Variants in MACROD2 observed in about 807,000 individuals in gnomAD.
The protein encoded by MACROD2 is ADP-ribose glycohydrolase MACROD2.
MACROD2 carries 36 observed loss-of-function variants against 70.4 expected under a neutral mutation model. That is an observed-to-expected ratio of 0.51 (90% CI 0.39 to 0.68). MACROD2 has a LOEUF of 0.68. Ranked by LOEUF, MACROD2 falls within the 30% of genes least tolerant of loss-of-function variation. The pLI is 0.00. For missense variants in MACROD2, 496 were observed against 538.4 expected (o/e 0.92, Z 0.78); for synonymous variants, 172 against 178.8 (o/e 0.96, Z 0.30).
At chr20:15,073,466 AACACACACACACACACACAC>A (rs11468103) in intron 5 of MACROD2, among the ~76,000 whole-genome samples, 16 of 143,950 alleles carry the variant, frequency 1.1e-4, no homozygotes, top group South Asian at 4.6e-4. Context: ...TAATTCTCCC[AACACACACACACACACACAC>A]ACACACACAC....
chr20:14,209,126 T>G (rs2081549616), intron 3 of MACROD2, among the ~76,000 whole-genome samples: 1 of 152,200 alleles, frequency 6.6e-6, no homozygotes, highest in Admixed American at 6.5e-5. Context: ...GAATGATCCC[T>G]TCTCATTATA....
intron 5 of MACROD2, among the ~76,000 whole-genome samples, chr20:15,204,911 G>A (rs576671838): frequency 6.6e-6 from 1 of 152,078 alleles, no homozygotes; most frequent in Non-Finnish European, 1.5e-5. Flanking sequence ...CAGCAATTGA[G>A]TTGCCAAACA....
At chr20:14,351,159 G>A (rs748718778) in intron 3 of MACROD2, among the ~76,000 whole-genome samples, 2 of 152,138 alleles carry the variant, frequency 1.3e-5, no homozygotes, top group Non-Finnish European at 1.5e-5. Flanking sequence ...TAGCCCTGTA[G>A]TACAATCTGA....
chr20:15,320,974 G>A (rs1184357121), intron 6 of MACROD2, among the ~76,000 whole-genome samples: 1 of 152,216 alleles, frequency 6.6e-6, no homozygotes, highest in African/African-American at 2.4e-5. Flanking sequence ...AACAACTCTT[G>A]AGGTATCGTA....
chr20:15,995,558 G>T (rs933250339), intron 15 of MACROD2, among the ~76,000 whole-genome samples: 1 of 149,856 alleles, frequency 6.7e-6, no homozygotes, highest in African/African-American at 2.5e-5. Context: ...CACCGTGTTA[G>T]CCAGGATGGT....
intron 15 of MACROD2, among the ~76,000 whole-genome samples, chr20:16,002,395 G>A (rs950774102): frequency 4.6e-5 from 7 of 152,092 alleles, no homozygotes; most frequent in African/African-American, 1.7e-4. Context: ...TTAAGTTGGG[G>A]GGCTTGAAAA....
At chr20:14,476,097 T>C (rs1243313118) in intron 3 of MACROD2, among the ~76,000 whole-genome samples, 2 of 152,188 alleles carry the variant, frequency 1.3e-5, no homozygotes, top group Non-Finnish European at 2.9e-5. Context: ...ATCTGTCTGA[T>C]ATATTCTTTT....
intron 5 of MACROD2, among the ~76,000 whole-genome samples, chr20:15,096,266 G>A (rs1460584127): frequency 1.3e-5 from 2 of 151,964 alleles, no homozygotes; most frequent in Non-Finnish European, 2.9e-5. Flanking sequence ...TCAGTCCCCT[G>A]CAGGGTACTC....
chr20:15,236,713 A>G (rs2077016552), intron 6 of MACROD2, among the ~76,000 whole-genome samples: 1 of 152,200 alleles, frequency 6.6e-6, no homozygotes, highest in Non-Finnish European at 1.5e-5. Context: ...GCTAAGCATT[A>G]TGTTGACGAC....
intron 2 of MACROD2, among the ~76,000 whole-genome samples, chr20:14,047,875 A>C (rs964166339): frequency 6.6e-6 from 1 of 152,226 alleles, no homozygotes; most frequent in Non-Finnish European, 1.5e-5. Flanking sequence ...TTTAAAATAA[A>C]ACCTATGAAA....
intron 5 of MACROD2, among the ~76,000 whole-genome samples, chr20:15,228,955 A>G (rs2076935967): frequency 6.6e-6 from 1 of 152,218 alleles, no homozygotes; most frequent in Non-Finnish European, 1.5e-5. Flanking sequence ...CTCCAATTAC[A>G]TTAGACTGAA....
At chr20:14,967,260 T>G (rs2074646124) in intron 5 of MACROD2, among the ~76,000 whole-genome samples, 1 of 152,206 alleles carries the variant, frequency 6.6e-6, no homozygotes, top group Non-Finnish European at 1.5e-5. Flanking sequence ...TGGTGCCATC[T>G]CTGCTCACTG....
intron 3 of MACROD2, among the ~76,000 whole-genome samples, chr20:14,409,912 C>T (rs2083731599): frequency 6.6e-6 from 1 of 152,144 alleles, no homozygotes; most frequent in Non-Finnish European, 1.5e-5. Flanking sequence ...AGCTGTAGCT[C>T]TTCCCATATC....
intron 5 of MACROD2, among the ~76,000 whole-genome samples, chr20:15,198,783 A>C (rs1178067204): frequency 6.6e-6 from 1 of 152,168 alleles, no homozygotes; most frequent in East Asian, 1.9e-4. Context: ...TTTCCATAGA[A>C]GAGACTCCGT....
chr20:15,582,217 G>A (rs1021565901), intron 8 of MACROD2, among the ~76,000 whole-genome samples: 4 of 152,118 alleles, frequency 2.6e-5, no homozygotes, highest in African/African-American at 9.7e-5. Flanking sequence ...ACCTCCTAGG[G>A]CCAGAGCCTA....
rs969666640 is a variant in MACROD2 at position 14,879,245 on chromosome 20, T to A, written c.418+194286T>A. On this transcript the variant is annotated intron_variant, in intron 5 of 17. Transcript: ENST00000684519. The stretch of plus-strand genomic sequence containing the variant: ...ACTAACAACCCATTCTGATTCATGT[T>A]TACATGGACAGAAAAAGAATGAGTT... Among the ~76,000 whole-genome samples, 14 of 152,192 alleles carry A rather than the reference T, an allele frequency of 9.2e-5. 1 individual carries two copies. Among genetic ancestry groups the A allele is most frequent in the Non-Finnish European group, 1.9e-4 (13 of 68,028 alleles).
At chr20:14,488,106 T>G (rs1176985690) in intron 3 of MACROD2, among the ~76,000 whole-genome samples, 1 of 152,216 alleles carries the variant, frequency 6.6e-6, no homozygotes, top group Non-Finnish European at 1.5e-5. Context: ...TCACATTCTC[T>G]CAAATAAGCA....
intron 5 of MACROD2, among the ~76,000 whole-genome samples, chr20:15,123,213 C>T (rs2076043229): frequency 6.6e-6 from 1 of 152,082 alleles, no homozygotes. Context: ...CAAGCTGCAG[C>T]TCTTGGAAGC....
chr20:14,964,693 A>G (rs2074616264), intron 5 of MACROD2, among the ~76,000 whole-genome samples: 2 of 152,218 alleles, frequency 1.3e-5, no homozygotes, highest in Non-Finnish European at 2.9e-5. Flanking sequence ...GCAACAATGG[A>G]AATAGTAGCT....
Sources: gnomAD v4.1 joint callset for allele counts (sites outside exome capture counted in the v4.1 genomes callset) on GRCh38, gnomAD v4.1.1 for gene constraint, MANE v1.5 for transcripts, NCBI Gene and HGNC (gene_info 2026-07-23, HGNC 2026-07-21) for gene names.